The following UBTD2 variants were observed in gnomAD, a reference collection of about 807,000 sequenced individuals.
UBTD2 encodes the protein ubiquitin domain-containing protein 2.
Under a neutral mutation model 19.8 loss-of-function variants are expected in UBTD2, and 9 were observed. The observed-to-expected ratio is 0.46, with a 90% CI of 0.27 to 0.79. The LOEUF (loss-of-function observed/expected upper bound fraction) is 0.79. UBTD2 is among the 30% of genes least tolerant of loss of function. The pLI, the probability that UBTD2 is intolerant of heterozygous loss-of-function variation, is 0.14. For synonymous variants in UBTD2, 98 were observed against 103.9 expected (o/e 0.94, Z 0.35); for missense variants, 250 against 300.4 (o/e 0.83, Z 1.24).
chr5:172,279,712 C>T (rs1755672548), intron 1 of UBTD2, among the ~76,000 whole-genome samples: 1 of 152,214 alleles, frequency 6.6e-6, no homozygotes, highest in African/African-American at 2.4e-5. Context: ...TTTCTGCCCA[C>T]ATATTTATTT....
chr5:172,269,139 T>G (rs1038749217), intron 1 of UBTD2, among the ~76,000 whole-genome samples: 18 of 152,058 alleles, frequency 1.2e-4, no homozygotes, highest in African/African-American at 4.1e-4. Flanking sequence ...GTGACAGGCG[T>G]TCAAGGGTTT....
chr5:172,240,017 G>A (rs896983165), intron 1 of UBTD2, among the ~76,000 whole-genome samples: 2 of 152,170 alleles, frequency 1.3e-5, no homozygotes, highest in East Asian at 3.8e-4. Flanking sequence ...AACCAATAAC[G>A]AAGATTCACT....
intron 1 of UBTD2, chr5:172,254,444 G>A (rs1046095733): frequency 8.6e-6 from 4 of 462,952 alleles, no homozygotes; most frequent in East Asian, 4.8e-5. Context: ...TACGGTTACA[G>A]TCCGGACACT....
intron 1 of UBTD2, among the ~76,000 whole-genome samples, chr5:172,247,158 C>T (rs1025478396): frequency 1.6e-4 from 24 of 151,956 alleles, no homozygotes; most frequent in African/African-American, 5.8e-4. Context: ...ACTAGCATTA[C>T]AGGATGATAA....
chr5:172,242,365 T>G (rs1772150123), intron 1 of UBTD2: 1 of 984,866 alleles, frequency 1.0e-6, no homozygotes, highest in South Asian at 4.7e-5. Flanking sequence ...ATTAGATTTA[T>G]CCAACTTTCC....
chr5:172,267,003 C>G (rs998307390), intron 1 of UBTD2, among the ~76,000 whole-genome samples: 1 of 148,338 alleles, frequency 6.7e-6, no homozygotes, highest in Admixed American at 6.8e-5. Flanking sequence ...TCTGATCACA[C>G]CACTGCACTC....
chr5:172,233,510 G>C (rs934841523), intron 2 of UBTD2, among the ~76,000 whole-genome samples: 5 of 152,108 alleles, frequency 3.3e-5, no homozygotes, highest in Admixed American at 6.6e-5. Flanking sequence ...AACATTCAAA[G>C]CTTACAGTTA....
At chr5:172,266,141 G>A (rs2113110294) in intron 1 of UBTD2, among the ~76,000 whole-genome samples, 1 of 152,100 alleles carries the variant, frequency 6.6e-6, no homozygotes, top group South Asian at 2.1e-4. Flanking sequence ...GTGTTAGCCA[G>A]GCTGGTCTTG....
At chr5:172,245,426 C>T (rs1754858608) in intron 1 of UBTD2, among the ~76,000 whole-genome samples, 1 of 152,138 alleles carries the variant, frequency 6.6e-6, no homozygotes, top group South Asian at 2.1e-4. Context: ...ATGGAACAGT[C>T]CCAAAACAAT....
intron 1 of UBTD2, among the ~76,000 whole-genome samples, chr5:172,236,188 C>T (rs1772004360): frequency 6.6e-6 from 1 of 152,226 alleles, no homozygotes; most frequent in African/African-American, 2.4e-5. Flanking sequence ...TAGCTGTTTT[C>T]CACTTAAAAC....
At chr5:172,241,707 GTTT>G (rs920928143) in intron 1 of UBTD2, among the ~76,000 whole-genome samples, 1 of 151,980 alleles carries the variant, frequency 6.6e-6, no homozygotes, top group East Asian at 1.9e-4. Context: ...GTAAATAAAA[GTTT>G]TTTTAAAAAG....
At chr5:172,255,286 A>G in intron 1 of UBTD2, 1 of 446,396 alleles carries the variant, frequency 2.2e-6, no homozygotes. Flanking sequence ...CAGGCCTTCT[A>G]GGGTCTGAAA....
chr5:172,283,853 G>T, upstream of UBTD2: 1 of 209,178 alleles, frequency 4.8e-6, no homozygotes, highest in Non-Finnish European at 8.6e-6. The surrounding 1 kb of genome is among the most constrained non-coding windows in gnomAD (Gnocchi z 4.3). Context: ...CTTCCTCCGC[G>T]CCCACTTCTA....
At position 172,218,260 on chromosome 5, in the gene UBTD2, A is replaced by G. The variant is rs373366700; in HGVS notation, c.308-6033T>C. Among the ~76,000 whole-genome samples, 8 of 152,360 alleles carry G rather than the reference A, an allele frequency of 5.3e-5. No individual in the cohort carries two copies. The South Asian group carries it at 1.7e-3, about 32-fold the overall frequency. ...GGGGTCAAAGAAGAAATCAAGAGAA[A>G]TTAAAATATATTTTAATTAAAGGAA... On this transcript the variant is annotated intron_variant, in intron 2 of 2. Transcript: ENST00000393792.
chr5:172,256,183 T>C (rs1755145033), intron 1 of UBTD2, among the ~76,000 whole-genome samples: 1 of 152,072 alleles, frequency 6.6e-6, no homozygotes, highest in Admixed American at 6.6e-5. Context: ...ACAATGACAT[T>C]CCTGTTACAT....
chr5:172,271,887 T>C (rs542217012), intron 1 of UBTD2, among the ~76,000 whole-genome samples: 79 of 151,442 alleles, frequency 5.2e-4, no homozygotes, highest in African/African-American at 1.8e-3. Flanking sequence ...CTACAATAAA[T>C]GCAAAAAAAA....
intron 1 of UBTD2, among the ~76,000 whole-genome samples, chr5:172,256,483 T>A (rs1755154293): frequency 6.6e-6 from 1 of 151,934 alleles, no homozygotes; most frequent in African/African-American, 2.4e-5. Flanking sequence ...ACTCCTTTTT[T>A]AGTCTCCCAA....
chr5:172,244,453 C>T (rs368324249), intron 1 of UBTD2, among the ~76,000 whole-genome samples: 2 of 151,808 alleles, frequency 1.3e-5, no homozygotes, highest in Admixed American at 6.6e-5. Flanking sequence ...TGCGCCACCA[C>T]GCCCGGCTAA....
chr5:172,250,827 G>A (rs1469582000), intron 1 of UBTD2, among the ~76,000 whole-genome samples: 1 of 151,070 alleles, frequency 6.6e-6, no homozygotes, highest in African/African-American at 2.4e-5. Flanking sequence ...CAGCTACTCA[G>A]GAGGCTGAGG....
Sources: allele counts gnomAD v4.1 joint callset (sites outside exome capture counted in the v4.1 genomes callset), GRCh38; gene constraint gnomAD v4.1.1; non-coding constraint Gnocchi (gnomAD v3.1); transcripts MANE v1.5; gene names NCBI Gene and HGNC (gene_info 2026-07-23, HGNC 2026-07-21).